Variants in GRM7 observed in about 807,000 individuals in gnomAD.
GRM7 encodes the protein glutamate metabotropic receptor 7.
GRM7 carries 35 observed loss-of-function variants against 84.5 expected under a neutral mutation model. That is an observed-to-expected ratio of 0.41 (90% confidence interval 0.32 to 0.55). GRM7 has a LOEUF of 0.55. GRM7 is among the 20% of genes least tolerant of loss of function. GRM7 has a pLI of 0.19. For missense variants in GRM7, 1,003 were observed against 1,194.6 expected (o/e 0.84, Z 2.36); for synonymous variants, 487 against 455.1 (o/e 1.07, Z -0.89).
chr3:7,213,601 A>G (rs1363233451), intron 2 of GRM7, among the ~76,000 whole-genome samples: 1 of 152,210 alleles, frequency 6.6e-6, no homozygotes, highest in Non-Finnish European at 1.5e-5. Flanking sequence ...GAACTCTGGA[A>G]AACATTTGTG....
At chr3:7,484,709 A>G (rs1699258635) in intron 7 of GRM7, among the ~76,000 whole-genome samples, 1 of 152,188 alleles carries the variant, frequency 6.6e-6, no homozygotes, top group African/African-American at 2.4e-5. Flanking sequence ...ATGTGTGTAT[A>G]ATTTCCTCAT....
chr3:6,944,596 T>G (rs1697995655), intron 1 of GRM7, among the ~76,000 whole-genome samples: 1 of 152,180 alleles, frequency 6.6e-6, no homozygotes, highest in Admixed American at 6.5e-5. Flanking sequence ...GTTGAGTCTT[T>G]GCATATGTAT....
At chr3:7,608,045 C>A in intron 8 of GRM7, 1 of 362,574 alleles carries the variant, frequency 2.8e-6, no homozygotes, top group Non-Finnish European at 5.8e-6. Flanking sequence ...CATCTATGTT[C>A]CTGCAAAAGA....
intron 2 of GRM7, among the ~76,000 whole-genome samples, chr3:7,212,716 C>T (rs137971768): frequency 3.3e-5 from 5 of 152,172 alleles, no homozygotes; most frequent in African/African-American, 1.2e-4. Flanking sequence ...TTTATTCATT[C>T]ATCCATTCAT....
intron 1 of GRM7, among the ~76,000 whole-genome samples, chr3:7,083,893 A>T (rs9875554): frequency 0.12 from 17,747 of 152,130 alleles, 2,655 homozygotes; most frequent in African/African-American, 0.33. Flanking sequence ...CGAGGTAGAA[A>T]CACCAGCAAC....
At chr3:7,135,568 G>A (rs1037566217) in intron 1 of GRM7, among the ~76,000 whole-genome samples, 2 of 151,998 alleles carry the variant, frequency 1.3e-5, no homozygotes, top group Admixed American at 6.6e-5. Flanking sequence ...AATCCCCCAG[G>A]AACAAATGAA....
chr3:7,199,963 C>T (rs1696009973), intron 2 of GRM7, among the ~76,000 whole-genome samples: 1 of 152,158 alleles, frequency 6.6e-6, no homozygotes, highest in Non-Finnish European at 1.5e-5. Flanking sequence ...TTTATTTAGC[C>T]TCCATTCTAC....
intron 1 of GRM7, among the ~76,000 whole-genome samples, chr3:7,008,766 G>C (rs577104826): frequency 6.6e-6 from 1 of 152,208 alleles, no homozygotes; most frequent in African/African-American, 2.4e-5. Context: ...CTCCTCTGTG[G>C]TTTTATTCTT....
At chr3:6,880,711 C>G (rs1342150691) in intron 1 of GRM7, among the ~76,000 whole-genome samples, 3 of 152,110 alleles carry the variant, frequency 2.0e-5, no homozygotes, top group Non-Finnish European at 2.9e-5. Context: ...CCATCTCTCA[C>G]TCGTCTTTGT....
intron 8 of GRM7, among the ~76,000 whole-genome samples, chr3:7,671,757 C>T (rs1277583126): frequency 6.6e-6 from 1 of 151,882 alleles, no homozygotes; most frequent in Admixed American, 6.6e-5. Flanking sequence ...ATGAGGCCAT[C>T]TAATAATGAC....
At chr3:7,430,293 G>A (rs1696774008) in intron 5 of GRM7, among the ~76,000 whole-genome samples, 1 of 152,124 alleles carries the variant, frequency 6.6e-6, no homozygotes, top group African/African-American at 2.4e-5. Flanking sequence ...GGAAAATTGA[G>A]GTCACCTGGG....
At chr3:7,539,876 G>T (rs1202684613) in intron 7 of GRM7, among the ~76,000 whole-genome samples, 1 of 152,068 alleles carries the variant, frequency 6.6e-6, no homozygotes, top group Non-Finnish European at 1.5e-5. Context: ...AAAATATTGT[G>T]TGTATGTCTG....
At chr3:7,321,167 G>C (rs761534199) in intron 4 of GRM7, among the ~76,000 whole-genome samples, 26 of 151,952 alleles carry the variant, frequency 1.7e-4, no homozygotes, top group Non-Finnish European at 3.1e-4. Context: ...AATGCAGAAA[G>C]ATATAGCTAT....
chr3:7,552,424 C>T (rs1033236634), intron 7 of GRM7, among the ~76,000 whole-genome samples: 1 of 152,238 alleles, frequency 6.6e-6, no homozygotes, highest in Non-Finnish European at 1.5e-5. Context: ...CTCCACTGGG[C>T]AGTGCCACAA....
intron 9 of GRM7, among the ~76,000 whole-genome samples, chr3:7,713,119 G>GTTTTTTTT (rs1553640882): frequency 1.8e-5 from 1 of 55,642 alleles, no homozygotes; most frequent in African/African-American, 6.3e-5. Context: ...TTCGAATTTT[G>GTTTTTTTT]TTTTGTTTTT....
At chr3:7,079,510 A>G (rs1180514092) in intron 1 of GRM7, among the ~76,000 whole-genome samples, 2 of 147,500 alleles carry the variant, frequency 1.4e-5, no homozygotes, top group Non-Finnish European at 3.0e-5. Context: ...CGTTTGAAAC[A>G]TTTCTTTTTT....
chr3:7,227,646 A>G (rs1374664266), intron 2 of GRM7, among the ~76,000 whole-genome samples: 2 of 152,226 alleles, frequency 1.3e-5, no homozygotes, highest in Non-Finnish European at 2.9e-5. Context: ...TAAAAACCAC[A>G]TAAGAAGAAG....
chr3:6,956,280 G>T (rs181630591), intron 1 of GRM7, among the ~76,000 whole-genome samples: 46 of 152,272 alleles, frequency 3.0e-4, no homozygotes, highest in Non-Finnish European at 6.5e-4. Context: ...CAGTCGAAAG[G>T]GGTTCTGATC....
chr3:7,644,637 G>C (rs956354557), intron 8 of GRM7, among the ~76,000 whole-genome samples: 1 of 152,186 alleles, frequency 6.6e-6, no homozygotes. Context: ...TGAAAGGGTA[G>C]TCCTGGGAAT....
Sources: allele counts gnomAD v4.1 joint callset (sites outside exome capture counted in the v4.1 genomes callset), GRCh38; gene constraint gnomAD v4.1.1; transcripts MANE v1.5; gene names NCBI Gene and HGNC (gene_info 2026-07-23, HGNC 2026-07-21).